Variants in KLRG1 observed in about 807,000 individuals in gnomAD.
KLRG1 encodes the protein killer cell lectin like receptor G1, also known as killer cell lectin-like receptor subfamily G member 1.
KLRG1 carries 16 observed loss-of-function variants against 21.8 expected under a neutral mutation model. That is an observed-to-expected ratio of 0.73 (90% confidence interval 0.50 to 1.11). The LOEUF (loss-of-function observed/expected upper bound fraction) is 1.11. Ranked by LOEUF, KLRG1 falls within the 50% of genes most tolerant of loss-of-function variation. KLRG1 has a pLI of 0.00. For missense variants in KLRG1, 173 were observed against 218.3 expected, an observed-to-expected ratio of 0.79 and a Z score of 1.31; for synonymous variants, 69 against 75.9, an observed-to-expected ratio of 0.91 and a Z score of 0.47.
the KLRG1 span, chr12:9,112,516 A>G: frequency 6.2e-7 from 1 of 1,613,664 alleles, no homozygotes; most frequent in Non-Finnish European, 8.5e-7. Flanking sequence ...TTACCTCCTC[A>G]TTGGATGAAG....
chr12:9,098,894 C>T, the KLRG1 span: 1 of 885,744 alleles, frequency 1.1e-6, no homozygotes, highest in African/African-American at 1.7e-5. Context: ...TTGTGTCAAT[C>T]CTGAAGCTTT....
At chr12:9,044,311 C>T in the KLRG1 span, among the ~76,000 whole-genome samples, 1 of 152,036 alleles carries the variant, frequency 6.6e-6, no homozygotes, top group Admixed American at 6.6e-5. Flanking sequence ...CGCTTTACTC[C>T]TCTAGTAATC....
chr12:9,111,954 G>T, the KLRG1 span: 1 of 735,252 alleles, frequency 1.4e-6, no homozygotes, highest in Non-Finnish European at 2.5e-6. Flanking sequence ...ACAACTGACT[G>T]AGTACCAGCA....
the KLRG1 span, among the ~76,000 whole-genome samples, chr12:9,100,523 C>A: frequency 3.3e-5 from 5 of 152,200 alleles, no homozygotes; most frequent in East Asian, 9.6e-4. Flanking sequence ...AAGAGATCCT[C>A]CCATCCCGTT....
At chr12:8,953,726 C>T (rs897855020) in intron 1 of KLRG1, among the ~76,000 whole-genome samples, 29 of 151,856 alleles carry the variant, frequency 1.9e-4, no homozygotes, top group Non-Finnish European at 2.9e-5. Context: ...ATCATATTGG[C>T]GATTTTAACA....
chr12:9,169,019 A>T, the KLRG1 span: 3 of 1,390,798 alleles, frequency 2.2e-6, no homozygotes, highest in Non-Finnish European at 2.0e-6. Flanking sequence ...CTTGATTAGA[A>T]TATATAAAAC....
the KLRG1 span, chr12:9,182,160 C>CAAAATGGTCATAAGTGAGAA: frequency 1.3e-6 from 2 of 1,571,822 alleles, no homozygotes; most frequent in South Asian, 1.2e-5. Flanking sequence ...ATAAGTGAGA[C>CAAAATGGTCATAAGTGAGAA]AAAAAGGTCA....
At chr12:9,176,480 T>C in the KLRG1 span, among the ~76,000 whole-genome samples, 3 of 152,074 alleles carry the variant, frequency 2.0e-5, no homozygotes, top group Non-Finnish European at 4.4e-5. Context: ...AAGAAATAAA[T>C]AAATAAAACG....
the KLRG1 span, among the ~76,000 whole-genome samples, chr12:9,128,798 A>C: frequency 6.6e-6 from 1 of 152,108 alleles, no homozygotes; most frequent in Non-Finnish European, 1.5e-5. Context: ...TAACTTCCAA[A>C]CCAGTTTTTC....
the KLRG1 span, among the ~76,000 whole-genome samples, chr12:9,212,609 G>A: frequency 1.3e-5 from 2 of 152,146 alleles, no homozygotes; most frequent in Non-Finnish European, 2.9e-5. Context: ...GAGGAAAAGA[G>A]TAGTTTTGTC....
rs1304476464 is a variant in KLRG1, at chr12:9,010,648, TA to T, written c.*1116del. Reference sequence around the variant, plus strand: ...TTCTCTTTATCTTTCATAGTTTTTTTAAAAACATGGACTGTATCTTATCTAC... The same window carrying T: ...TTCTCTTTATCTTTCATAGTTTTTTTAAAACATGGACTGTATCTTATCTAC... On this transcript the variant is annotated 3_prime_UTR_variant, in exon 5 of 5. Coordinates refer to ENST00000356986, the MANE Select transcript of KLRG1 (RefSeq NM_005810.4). 3.3e-5 allele frequency: 5 copies of T among 152,238 alleles called. No individual in the cohort carries two copies. Among genetic ancestry groups the T allele is most frequent in the Non-Finnish European group, 7.3e-5 (5 of 68,058 alleles). The allele number at this position is 152,238 out of a possible 1,614,324, so 9.4% of individuals were successfully genotyped here.
At chr12:9,113,785 G>A in the KLRG1 span, among the ~76,000 whole-genome samples, 3 of 152,134 alleles carry the variant, frequency 2.0e-5, no homozygotes. Flanking sequence ...TTGTAGGCAT[G>A]CTTCACTTTA....
chr12:9,156,899 T>G, the KLRG1 span, among the ~76,000 whole-genome samples: 1 of 152,058 alleles, frequency 6.6e-6, no homozygotes, highest in African/African-American at 2.4e-5. Flanking sequence ...AAAAAAACTT[T>G]TATTATTTAT....
intron 1 of KLRG1, among the ~76,000 whole-genome samples, chr12:8,981,945 A>G (rs888436318): frequency 6.6e-6 from 1 of 152,158 alleles, no homozygotes; most frequent in African/African-American, 2.4e-5. Context: ...GTTGTTATAT[A>G]TGCTTGATGC....
At chr12:9,062,499 A>C in the KLRG1 span, among the ~76,000 whole-genome samples, 18 of 146,932 alleles carry the variant, frequency 1.2e-4, no homozygotes, top group Non-Finnish European at 2.2e-4. Flanking sequence ...TTGTATAAAG[A>C]ATCACCTGAC....
the KLRG1 span, chr12:9,158,536 A>G: frequency 6.2e-7 from 1 of 1,614,140 alleles, no homozygotes. Flanking sequence ...AAGATGTAGG[A>G]TCGAGCCTGG....
the KLRG1 span, among the ~76,000 whole-genome samples, chr12:9,121,755 A>G: frequency 6.6e-6 from 1 of 152,186 alleles, no homozygotes; most frequent in Non-Finnish European, 1.5e-5. The surrounding 1 kb of genome is among the most constrained non-coding windows in gnomAD (Gnocchi z 4.4). Flanking sequence ...TAACATATTT[A>G]TACTTTGGGG....
At chr12:9,079,460 T>C in the KLRG1 span, 1 of 1,155,778 alleles carries the variant, frequency 8.7e-7, no homozygotes, top group Non-Finnish European at 1.3e-6. Context: ...TAGGAGTTTC[T>C]GAGCCTTAAA....
At chr12:9,193,438 C>T in the KLRG1 span, among the ~76,000 whole-genome samples, 1 of 152,140 alleles carries the variant, frequency 6.6e-6, no homozygotes, top group African/African-American at 2.4e-5. Flanking sequence ...GATCTTTTAA[C>T]TCCATGAAAA....
Sources: gnomAD v4.1 joint callset for allele counts (sites outside exome capture counted in the v4.1 genomes callset) on GRCh38, gnomAD v4.1.1 for gene constraint, Gnocchi (gnomAD v3.1) non-coding constraint, MANE v1.5 for transcripts, NCBI Gene and HGNC (gene_info 2026-07-23, HGNC 2026-07-21) for gene names.